AKAP12: variants seen among roughly 807,000 people sequenced by gnomAD.
AKAP12 encodes A-kinase anchoring protein 12.
A neutral mutation model predicts 79.9 loss-of-function variants in AKAP12; 32 were observed. The ratio of observed to expected loss-of-function variants is 0.40; its 90% CI spans 0.30 to 0.54. AKAP12 has a LOEUF of 0.54. AKAP12 is among the 20% of genes least tolerant of loss of function. The pLI, the probability that AKAP12 is intolerant of heterozygous loss-of-function variation, is 0.48. For missense variants in AKAP12, 2,074 were observed against 2,177.0 expected (o/e 0.95, Z 0.94); for synonymous variants, 808 against 857.0 (o/e 0.94, Z 1.00).
intron 3 of AKAP12, among the ~76,000 whole-genome samples, chr6:151,326,074 A>G (rs1180671466): frequency 6.6e-6 from 1 of 152,170 alleles, no homozygotes; most frequent in Non-Finnish European, 1.5e-5. Context: ...TGGGCTCAGC[A>G]AGAATCAGAC....
chr6:151,290,977 C>T (rs1377076885), intron 2 of AKAP12, among the ~76,000 whole-genome samples: 1 of 152,164 alleles, frequency 6.6e-6, no homozygotes, highest in Non-Finnish European at 1.5e-5. Context: ...GAAGTTAGTC[C>T]TTCTAGGTTC....
At chr6:151,257,236 T>C (rs1797320079) in intron 2 of AKAP12, among the ~76,000 whole-genome samples, 1 of 152,112 alleles carries the variant, frequency 6.6e-6, no homozygotes, top group African/African-American at 2.4e-5. Flanking sequence ...GTTCCCAGTG[T>C]CTACTGTTGC....
intron 3 of AKAP12, among the ~76,000 whole-genome samples, chr6:151,321,869 C>T (rs1777396386): frequency 6.6e-6 from 1 of 150,886 alleles, no homozygotes; most frequent in South Asian, 2.1e-4. Context: ...CCGCCACCTG[C>T]CCCTGTTTTT....
At chr6:151,264,834 C>G (rs1797518320) in intron 2 of AKAP12, among the ~76,000 whole-genome samples, 1 of 151,970 alleles carries the variant, frequency 6.6e-6, no homozygotes, top group Admixed American at 6.6e-5. Flanking sequence ...AAGCTTAAAT[C>G]TGTGGGAAAA....
chr6:151,351,030 T>C lies in AKAP12; in HGVS notation c.2639T>C (p.Val880Ala). 1 of 1,613,902 alleles carries C rather than the reference T, an allele frequency of 6.2e-7. No individual in the cohort carries two copies. Among genetic ancestry groups the C allele is most frequent in the Non-Finnish European group, 8.5e-7 (1 of 1,179,976 alleles). Residue 880 changes from valine (V) to alanine (A), a missense_variant, in exon 4 of 5, where the codon GTG (valine) becomes GCG (alanine). Val to Ala is a moderately conservative substitution (Grantham distance 64). Around this residue, in one of 3 missense-constraint regions of AKAP12, gnomAD observed 1,428 missense variants for 1,451.0 expected, o/e 0.98. Coordinates refer to ENST00000402676, the MANE Select transcript of AKAP12 (RefSeq NM_005100.4). The surrounding 1 kb of genome is among the most constrained non-coding windows in gnomAD (Gnocchi z 4.4). Reference protein sequence around the residue: ...EQPEQKAATEVSKELSESQVH... With the variant: ...EQPEQKAATEASKELSESQVH... ...CCCGAGCAGAAGGCAGCCACTGAGG[T>C]GTCCAAGGAGCTCAGCGAGAGTCAG...
rs754831501 is a variant in AKAP12 at position 151,348,895 on chromosome 6, T to C, written c.504T>C (p.Asn168=). Residue 168 remains asparagine (N), a synonymous_variant, in exon 4 of 5, where the codon AAT becomes AAC. Transcript: ENST00000402676. Reference sequence around the variant, plus strand: ...CACAACCCACTGAGTCCCAGGCTAATGATATTGGATTTAAGAAGGTGTTTA... The same window carrying C: ...CACAACCCACTGAGTCCCAGGCTAACGATATTGGATTTAAGAAGGTGTTTA... ...ELTQPTESQA[N]DIGFKKVFKF... 1.2e-6 allele frequency: 2 copies of C among 1,613,836 alleles called. No homozygotes were observed. Among genetic ancestry groups the C allele is most frequent in the African/African-American group, 1.3e-5 (1 of 74,828 alleles).
In AKAP12 at chr6:151,259,507, T is replaced by TACAC. The variant is rs762556792; in HGVS notation, c.162+18784_162+18785insCACA. On this transcript the variant is annotated intron_variant, in intron 2 of 4. Transcript: ENST00000402676. The stretch of plus-strand genomic sequence containing the variant: ...ATACACACACATATACATGTATATA[T>TACAC]ATATACACACACACACACACACACA... Among the ~76,000 whole-genome samples the TACAC allele has an allele frequency of 8.6e-3, 1,054 of 122,440 alleles. 4 individuals carry two copies. The highest frequency in any genetic ancestry group is 0.012 in the African/African-American group (348 of 29,196). The allele number at this position is 122,440 out of a possible 152,430, so 80.3% of individuals were successfully genotyped here.
intron 2 of AKAP12, among the ~76,000 whole-genome samples, chr6:151,301,512 AT>A (rs1239216334): frequency 6.6e-6 from 1 of 152,190 alleles, no homozygotes; most frequent in Admixed American, 6.5e-5. Context: ...GGTATGACTT[AT>A]TTAGACGGTT....
At chr6:151,348,680 T>TTGGGGGGGGGGGGGG in intron 3 of AKAP12, 31 bp from the exon 4 acceptor site, 5 of 355,200 alleles carry the variant, frequency 1.4e-5, no homozygotes, top group East Asian at 5.8e-5. Flanking sequence ...TTTTCTCTTC[T>TTGGGGGGGGGGGGGG]CCCCACCCCC....
chr6:151,243,104 T>C (rs983128624), intron 2 of AKAP12, among the ~76,000 whole-genome samples: 6 of 152,226 alleles, frequency 3.9e-5, no homozygotes, highest in African/African-American at 1.2e-4. Context: ...TCTCTAGATA[T>C]AGAGTGACTT....
At position 151,352,486 on chromosome 6, in the gene AKAP12, C is replaced by G. The variant is rs1346047266; in HGVS notation, c.4095C>G (p.Thr1365=). The change falls in exon 4 of 5, where the codon ACC becomes ACG. Residue 1365 remains threonine (T), a synonymous_variant. Coordinates refer to ENST00000402676, the MANE Select transcript of AKAP12 (RefSeq NM_005100.4). ...EEKLEHETAV[T]VSEEVSKQLL... ...AGCTTGAGCACGAAACAGCTGTTAC[C>G]GTATCTGAAGAGGTCAGTAAGCAGC... 6 of 1,614,012 alleles carry G rather than the reference C, an allele frequency of 3.7e-6. No individual in the cohort carries two copies. Among genetic ancestry groups the G allele is most frequent in the Non-Finnish European group, 5.1e-6 (6 of 1,180,030 alleles).
intron 2 of AKAP12, among the ~76,000 whole-genome samples, chr6:151,254,672 G>T (rs2114689456): frequency 6.6e-6 from 1 of 152,254 alleles, no homozygotes; most frequent in Non-Finnish European, 1.5e-5. Flanking sequence ...TGATAATACA[G>T]AAAGCTCATT....
At chr6:151,313,759 C>T (rs763558936) in intron 3 of AKAP12, among the ~76,000 whole-genome samples, 13 of 152,180 alleles carry the variant, frequency 8.5e-5, no homozygotes, top group South Asian at 2.1e-4. Context: ...GCGCTAGACA[C>T]GGCTAAGACT....
chr6:151,344,085 C>G (rs1778021824), intron 3 of AKAP12: 1 of 241,096 alleles, frequency 4.1e-6, no homozygotes, highest in Non-Finnish European at 8.5e-6. Flanking sequence ...ATGTTGGTCA[C>G]AAATGTGTAT....
intron 2 of AKAP12, among the ~76,000 whole-genome samples, chr6:151,305,068 T>G (rs1437069368): frequency 6.6e-6 from 1 of 152,214 alleles, no homozygotes; most frequent in Non-Finnish European, 1.5e-5. Context: ...TGCACCCCGT[T>G]TATCCTTTTC....
Position 151,240,427 on chromosome 6 carries a change from G to A in AKAP12, c.-136G>A, listed in dbSNP as rs973037029. ...TCTCCTTCATTCGCAGGCTGGGCGC[G>A]TTCGCAGTCGGCTGGCGGCGAAGGA... On this transcript the variant is annotated 5_prime_UTR_variant, in exon 2 of 5. Transcript: ENST00000402676. 5 of 970,668 alleles carry A rather than the reference G, an allele frequency of 5.2e-6. No homozygotes were observed. In the African/African-American group the frequency reaches 6.8e-5, roughly 13 times the overall value. 60.1% of individuals were successfully genotyped at this position (970,668 alleles called of 1,614,324 possible).
chr6:151,253,239 C>G (rs1797221032), intron 2 of AKAP12, among the ~76,000 whole-genome samples: 1 of 152,112 alleles, frequency 6.6e-6, no homozygotes, highest in African/African-American at 2.4e-5. Flanking sequence ...TGATGCATTT[C>G]ACAGTTTTTA....
At chr6:151,303,187 T>C (rs375164261) in intron 2 of AKAP12, among the ~76,000 whole-genome samples, 3 of 111,410 alleles carry the variant, frequency 2.7e-5, no homozygotes, top group Non-Finnish European at 4.4e-5. Flanking sequence ...CGAAAATCCA[T>C]CTCAAAAATA....
chr6:151,323,191 TGA>T (rs1056374479), intron 3 of AKAP12, among the ~76,000 whole-genome samples: 1 of 152,234 alleles, frequency 6.6e-6, no homozygotes, highest in Non-Finnish European at 1.5e-5. Context: ...ACCCATTGGC[TGA>T]GAGAGTCTAC....
Sources: allele counts gnomAD v4.1 joint callset (sites outside exome capture counted in the v4.1 genomes callset), GRCh38; gene constraint gnomAD v4.1.1; regional missense constraint gnomAD v4.1.1; non-coding constraint Gnocchi (gnomAD v3.1); transcripts MANE v1.5; gene names NCBI Gene and HGNC (gene_info 2026-07-23, HGNC 2026-07-21).